Variants in RORA observed in about 807,000 individuals in gnomAD.
RORA encodes the protein nuclear receptor ROR-alpha.
In RORA, 7 loss-of-function variants were observed where a neutral mutation model predicts 69.5. The ratio of observed to expected loss-of-function variants is 0.10; its 90% CI spans 0.06 to 0.19. The LOEUF (loss-of-function observed/expected upper bound fraction) is 0.19. Among genes scored for constraint, RORA ranks in the 10% least tolerant of loss-of-function variants. The probability of loss-of-function intolerance (pLI) is 1.00; values close to 1 mark genes in which losing one functional copy is unlikely to be tolerated. For missense variants in RORA, 457 were observed against 663.0 expected, an observed-to-expected ratio of 0.69 and a Z score of 3.41; for synonymous variants, 261 against 240.8, an observed-to-expected ratio of 1.08 and a Z score of -0.78.
At chr15:60,936,547 A>G (rs184581230) in intron 1 of RORA, among the ~76,000 whole-genome samples, 108 of 152,320 alleles carry the variant, frequency 7.1e-4, no homozygotes, top group Middle Eastern at 6.8e-3. Context: ...CATCCTCTCC[A>G]TCACCGTCAC....
chr15:60,927,497 C>G (rs56405635), intron 1 of RORA, among the ~76,000 whole-genome samples: 50,545 of 152,046 alleles, frequency 0.33, 8,749 homozygotes, highest in South Asian at 0.44. Flanking sequence ...AACCGTCTGA[C>G]TGTGGTGGCT....
intron 1 of RORA, among the ~76,000 whole-genome samples, chr15:61,087,607 G>A (rs1456246616): frequency 6.6e-6 from 1 of 152,202 alleles, no homozygotes; most frequent in African/African-American, 2.4e-5. Flanking sequence ...CAACATATGA[G>A]GAAGGGGACA....
rs962946906 is a variant in RORA, at chr15:61,039,667, C to T, written c.166+189386G>A. On this transcript the variant is annotated intron_variant, in intron 1 of 10. Coordinates refer to ENST00000335670, the MANE Select transcript of RORA (RefSeq NM_134261.3). Reference sequence around the variant, plus strand: ...AGCTGAGGCAGGCGAATCACTTGAACCTGGGAGGTGGACGTTACAGTGAGC... The same window carrying T: ...AGCTGAGGCAGGCGAATCACTTGAATCTGGGAGGTGGACGTTACAGTGAGC... 3.3e-5 allele frequency among the ~76,000 whole-genome samples: 5 copies of T among 149,936 alleles called. No homozygotes were observed. The East Asian group carries it at 7.9e-4, about 24-fold the overall frequency.
At position 61,229,152 on chromosome 15, in the gene RORA, C is replaced by T. The variant is rs764609428; in HGVS notation, c.67G>A (p.Ala23Thr). The part of the protein sequence containing the change: ...SEPGSSGADA[A>T]AGSRETPLNQ... ...AGCGGGGTCTCCCTGGAGCCGGCGG[C>T]CGCGTCCGCGCCGCTGCTGCCTGGC... is the stretch of plus-strand genomic sequence containing the variant. The change falls in exon 1 of 11, where the codon GCC becomes ACC. Residue 23 changes from alanine (A) to threonine (T), a missense_variant. Ala to Thr is a moderately conservative substitution (Grantham distance 58). This residue lies in a region of RORA where 119 missense variants were observed against 92.4 expected (regional missense o/e 1.29). Coordinates refer to ENST00000335670, the MANE Select transcript of RORA (RefSeq NM_134261.3). 3 of 1,545,716 alleles carry T rather than the reference C, an allele frequency of 1.9e-6. No individual in the cohort carries two copies. Among genetic ancestry groups the T allele is most frequent in the African/African-American group, 1.4e-5 (1 of 72,380 alleles).
chr15:60,683,929 G>A (rs1176448103), intron 1 of RORA, among the ~76,000 whole-genome samples: 2 of 152,168 alleles, frequency 1.3e-5, no homozygotes, highest in African/African-American at 4.8e-5. Context: ...ATGGTTATCA[G>A]TAGGGAAGTT....
intron 3 of RORA, chr15:60,529,461 G>A (rs2066465197): frequency 6.6e-6 from 1 of 152,140 alleles, no homozygotes; most frequent in African/African-American, 2.4e-5. Flanking sequence ...ATGAAACATT[G>A]TTCAAGTCCC....
intron 1 of RORA, among the ~76,000 whole-genome samples, chr15:60,679,698 A>G (rs1444085463): frequency 6.6e-6 from 1 of 152,160 alleles, no homozygotes; most frequent in Non-Finnish European, 1.5e-5. Context: ...CAGACCTATT[A>G]CTTAGCTAGG....
intron 1 of RORA, among the ~76,000 whole-genome samples, chr15:60,840,883 C>T (rs558812194): frequency 1.3e-5 from 2 of 152,102 alleles, no homozygotes; most frequent in Admixed American, 6.5e-5. Flanking sequence ...GGAGCCCAGG[C>T]GATAGTTTTT....
chr15:60,707,200 A>G (rs1288177069), intron 1 of RORA, among the ~76,000 whole-genome samples: 1 of 152,154 alleles, frequency 6.6e-6, no homozygotes, highest in African/African-American at 2.4e-5. Flanking sequence ...AAAAGCTTCC[A>G]TTCTGGCTGT....
At chr15:60,587,226 C>T (rs1243327112) in intron 2 of RORA, among the ~76,000 whole-genome samples, 1 of 152,092 alleles carries the variant, frequency 6.6e-6, no homozygotes. Context: ...AACAAGCAGA[C>T]TTAATGAAAA....
At chr15:60,716,484 C>A (rs1366042451) in intron 1 of RORA, among the ~76,000 whole-genome samples, 1 of 152,180 alleles carries the variant, frequency 6.6e-6, no homozygotes, top group African/African-American at 2.4e-5. Flanking sequence ...TCTCTCTGAG[C>A]CACATCTGTA....
intron 1 of RORA, among the ~76,000 whole-genome samples, chr15:60,833,106 G>A (rs1451290511): frequency 7.9e-5 from 12 of 151,654 alleles, no homozygotes; most frequent in African/African-American, 2.4e-4. Context: ...GGGTTTCACC[G>A]TGTTAGCCAG....
intron 2 of RORA, among the ~76,000 whole-genome samples, chr15:60,613,563 G>A (rs1011256503): frequency 3.3e-5 from 5 of 152,034 alleles, no homozygotes; most frequent in Non-Finnish European, 7.4e-5. Flanking sequence ...ACAACTTGCT[G>A]TAACATGCCC....
intron 1 of RORA, among the ~76,000 whole-genome samples, chr15:61,221,739 C>T (rs2080098724): frequency 6.6e-6 from 1 of 152,176 alleles, no homozygotes; most frequent in Non-Finnish European, 1.5e-5. Flanking sequence ...CACTGCACTG[C>T]CTCTTTCAGT....
intron 2 of RORA, among the ~76,000 whole-genome samples, chr15:60,599,729 G>C (rs1395511011): frequency 2.6e-5 from 4 of 152,154 alleles, no homozygotes; most frequent in Non-Finnish European, 5.9e-5. Flanking sequence ...ACAGTGCCCA[G>C]GACAGAGCTC....
intron 1 of RORA, among the ~76,000 whole-genome samples, chr15:60,785,637 C>A (rs1401048821): frequency 6.6e-6 from 1 of 152,206 alleles, no homozygotes; most frequent in Non-Finnish European, 1.5e-5. Context: ...CCTCACGTTT[C>A]AGGGCTGCAG....
chr15:61,125,126 C>T (rs2079132698), intron 1 of RORA, among the ~76,000 whole-genome samples: 1 of 152,186 alleles, frequency 6.6e-6, no homozygotes, highest in South Asian at 2.1e-4. Context: ...AAATATAAAA[C>T]TGTACCTTTT....
intron 1 of RORA, among the ~76,000 whole-genome samples, chr15:61,136,639 G>A (rs991484316): frequency 4.6e-5 from 7 of 152,272 alleles, no homozygotes; most frequent in South Asian, 4.1e-4. Context: ...AGACGCAGTC[G>A]AAAGAGCTGT....
At chr15:60,887,626 G>C (rs554714600) in intron 1 of RORA, among the ~76,000 whole-genome samples, 1 of 152,182 alleles carries the variant, frequency 6.6e-6, no homozygotes, top group Non-Finnish European at 1.5e-5. Context: ...GTGGTTATAC[G>C]TTTGTGGTTA....
Sources: gnomAD v4.1 joint callset for allele counts (sites outside exome capture counted in the v4.1 genomes callset) on GRCh38, gnomAD v4.1.1 for gene constraint, gnomAD v4.1.1 regional missense constraint, MANE v1.5 for transcripts, NCBI Gene and HGNC (gene_info 2026-07-23, HGNC 2026-07-21) for gene names.